Variants in ANKRD27 observed in about 807,000 individuals in gnomAD.
ANKRD27 encodes ankyrin repeat domain-containing protein 27.
ANKRD27 carries 112 observed loss-of-function variants against 129.7 expected under a neutral mutation model. That is an observed-to-expected ratio of 0.86 (90% CI 0.74 to 1.01). The LOEUF is 1.01. ANKRD27 is among the 50% of genes least tolerant of loss of function. The pLI is 0.00. For missense variants in ANKRD27, 1,258 were observed against 1,300.5 expected, an observed-to-expected ratio of 0.97 and a Z score of 0.50; for synonymous variants, 516 against 511.2, an observed-to-expected ratio of 1.01 and a Z score of -0.13.
intron 10 of ANKRD27, 110 bp from the exon 11 acceptor site, chr19:32,640,495 A>G: frequency 1.2e-6 from 1 of 854,872 alleles, no homozygotes; most frequent in Non-Finnish European, 2.0e-6. Flanking sequence ...CAGGGAGATC[A>G]TACACTGGGG....
At position 32,673,561 on chromosome 19, in the gene ANKRD27, T is replaced by G. The variant is rs576071053; in HGVS notation, c.-31+1510A>C. ...TGCAGCTTCCTCACCCTCTGCTGTC[T>G]CCAAAGCTTCCCCCGAAGGGAAAGA... On this transcript the variant is annotated intron_variant, in intron 1 of 28. Coordinates refer to ENST00000306065, the MANE Select transcript of ANKRD27 (RefSeq NM_032139.3). 28 of 502,082 alleles carry G rather than the reference T, an allele frequency of 5.6e-5. No individual in the cohort carries two copies. The South Asian group carries it at 2.3e-3, about 42-fold the overall frequency. 31.1% of individuals were successfully genotyped at this position (502,082 alleles called of 1,614,324 possible). A position where few individuals can be genotyped will look rare whatever the true frequency, so the allele number is the denominator to read the frequency against.
chr19:32,668,742 G>A (rs770511491), intron 1 of ANKRD27, among the ~76,000 whole-genome samples: 1 of 151,628 alleles, frequency 6.6e-6, no homozygotes, highest in Non-Finnish European at 1.5e-5. Context: ...GAGCCACCGT[G>A]CCCAGCTAAT....
intron 1 of ANKRD27, among the ~76,000 whole-genome samples, chr19:32,662,383 G>C (rs185416693): frequency 9.6e-4 from 143 of 149,448 alleles, no homozygotes; most frequent in African/African-American, 3.2e-3. Flanking sequence ...CCAGCCCTGT[G>C]ACTTGCTTCA....
At chr19:32,636,442 T>C (rs1250365971) in intron 12 of ANKRD27, 1 of 150,696 alleles carries the variant, frequency 6.6e-6, no homozygotes, top group Non-Finnish European at 1.5e-5. Context: ...GGGCCAAGGA[T>C]GTGATTGAGG....
intron 20 of ANKRD27, among the ~76,000 whole-genome samples, chr19:32,618,882 G>A (rs965173107): frequency 9.9e-5 from 15 of 152,170 alleles, no homozygotes; most frequent in African/African-American, 3.6e-4. Flanking sequence ...CTGCACTCCA[G>A]CCTGGGCAAC....
chr19:32,641,497 CTG>C (rs1408475579), intron 10 of ANKRD27, among the ~76,000 whole-genome samples: 1 of 152,132 alleles, frequency 6.6e-6, no homozygotes, highest in Non-Finnish European at 1.5e-5. Flanking sequence ...AAAGAGCAAA[CTG>C]TGAATGTTCC....
chr19:32,669,946 A>G (rs1663535068), intron 1 of ANKRD27, among the ~76,000 whole-genome samples: 1 of 149,582 alleles, frequency 6.7e-6, no homozygotes, highest in Non-Finnish European at 1.5e-5. Flanking sequence ...CAGCGAGCCG[A>G]GATGGCGCCA....
intron 11 of ANKRD27, 150 bp from the exon 12 acceptor site, chr19:32,639,638 A>G: frequency 1.3e-6 from 1 of 775,426 alleles, no homozygotes; most frequent in Non-Finnish European, 2.1e-6. Flanking sequence ...CTCTCTGCAG[A>G]GTGTGTGCGA....
At chr19:32,651,008 G>T (rs553900717) in intron 2 of ANKRD27, among the ~76,000 whole-genome samples, 1 of 152,116 alleles carries the variant, frequency 6.6e-6, no homozygotes, top group South Asian at 2.1e-4. Flanking sequence ...GCCTCCCAAA[G>T]TGCTGGGATG....
intron 18 of ANKRD27, among the ~76,000 whole-genome samples, chr19:32,620,281 G>A (rs955010515): frequency 2.0e-5 from 3 of 151,832 alleles, no homozygotes; most frequent in Non-Finnish European, 2.9e-5. Flanking sequence ...GAGGGAAGCC[G>A]GGCGAGATGA....
chr19:32,655,353 G>GACAAGGA (rs1457416088), intron 2 of ANKRD27: 2 of 152,500 alleles, frequency 1.3e-5, no homozygotes, highest in Non-Finnish European at 2.9e-5. Flanking sequence ...AGGAAGACAA[G>GACAAGGA]AGGCTCACTG....
At chr19:32,631,781 C>A (rs185229442) in intron 12 of ANKRD27, among the ~76,000 whole-genome samples, 2 of 152,316 alleles carry the variant, frequency 1.3e-5, no homozygotes, top group African/African-American at 4.8e-5. Context: ...TGGAATGCGG[C>A]GCACACACAC....
At chr19:32,631,683 G>A (rs1966995819) in intron 12 of ANKRD27, among the ~76,000 whole-genome samples, 189 bp from the exon 13 acceptor site, 1 of 152,202 alleles carries the variant, frequency 6.6e-6, no homozygotes, top group Admixed American at 6.5e-5. Flanking sequence ...TCCTGGAAGT[G>A]GAGGCTTTGA....
At chr19:32,629,881 C>A (rs1406817475) in intron 13 of ANKRD27, among the ~76,000 whole-genome samples, 2 of 126,000 alleles carry the variant, frequency 1.6e-5, no homozygotes, top group African/African-American at 5.9e-5. Context: ...TGAATCCCTA[C>A]AGGGTGACAA....
intron 23 of ANKRD27, 148 bp from the exon 24 acceptor site, chr19:32,606,102 C>A: frequency 1.6e-6 from 1 of 626,866 alleles, no homozygotes; most frequent in Non-Finnish European, 2.3e-6. Context: ...ATTCTTTTGA[C>A]TTGTCTCTGA....
At position 32,598,005 on chromosome 19, in the gene ANKRD27, A is replaced by T; in HGVS notation, c.*140T>A. 1 of 721,342 alleles carries T rather than the reference A, an allele frequency of 1.4e-6. No individual in the cohort carries two copies. Among genetic ancestry groups the T allele is most frequent in the South Asian group, 1.8e-5 (1 of 54,388 alleles). 44.7% of individuals were successfully genotyped at this position (721,342 alleles called of 1,614,324 possible). ...TGTTGCATTCTTTCCTGCCACAGAA[A>T]AGCTTTCAGGAACTTGGTGCTGAAG... On this transcript the variant is annotated 3_prime_UTR_variant, in exon 29 of 29. Transcript: ENST00000306065.
rs1972032644 is a variant in ANKRD27 at position 32,622,724 on chromosome 19, G to A, written c.1630-105C>T. The stretch of plus-strand genomic sequence containing the variant: ...CCAAGCAAATGTGCAGTAACAGACA[G>A]AACTCAGAAGTGTCACAGTATCTGA... On this transcript the variant is annotated intron_variant, in intron 17 of 28. Transcript: ENST00000306065. 37 of 1,001,854 alleles carry A rather than the reference G, an allele frequency of 3.7e-5. No homozygotes were observed. In the South Asian group the frequency reaches 4.8e-4, roughly 13 times the overall value. The allele number at this position is 1,001,854 out of a possible 1,614,324, so 62.1% of individuals were successfully genotyped here.
chr19:32,658,695 G>T (rs1967590019), intron 2 of ANKRD27, among the ~76,000 whole-genome samples: 1 of 152,192 alleles, frequency 6.6e-6, no homozygotes, highest in Non-Finnish European at 1.5e-5. Context: ...CGGGGGCCAG[G>T]AGTTCAGAGA....
chr19:32,633,977 G>A (rs1288907428), intron 12 of ANKRD27, among the ~76,000 whole-genome samples: 1 of 152,074 alleles, frequency 6.6e-6, no homozygotes, highest in East Asian at 1.9e-4. Context: ...GCTGCAGTGA[G>A]CTAGGATCAC....
Sources: gnomAD v4.1 joint callset for allele counts (sites outside exome capture counted in the v4.1 genomes callset) on GRCh38, gnomAD v4.1.1 for gene constraint, MANE v1.5 for transcripts, NCBI Gene and HGNC (gene_info 2026-07-23, HGNC 2026-07-21) for gene names.